DGKG: variants seen among roughly 807,000 people sequenced by gnomAD.
DGKG encodes the protein diacylglycerol kinase gamma.
In DGKG, 78 loss-of-function variants were observed where a neutral mutation model predicts 105.3. The observed-to-expected ratio is 0.74, with a 90% confidence interval of 0.62 to 0.89. The LOEUF is 0.89. Ranked by LOEUF, DGKG falls within the 40% of genes least tolerant of loss-of-function variation. The pLI, the probability that DGKG is intolerant of heterozygous loss-of-function variation, is 0.00. For synonymous variants in DGKG, 346 were observed against 367.1 expected, an observed-to-expected ratio of 0.94 and a Z score of 0.66; for missense variants, 958 against 1,020.1, an observed-to-expected ratio of 0.94 and a Z score of 0.83.
rs55826465 is a variant in DGKG at position 186,297,068 on chromosome 3, TCACA to T, written c.373+349_373+352del. 4.8e-3 allele frequency among the ~76,000 whole-genome samples: 620 copies of T among 130,504 alleles called. 4 individuals carry two copies. The highest frequency in any genetic ancestry group is 0.012 in the African/African-American group (424 of 34,686). The allele number at this position is 130,504 out of a possible 152,430, so 85.6% of individuals were successfully genotyped here. On this transcript the variant is annotated intron_variant, in intron 5 of 24. Coordinates refer to ENST00000265022, the MANE Select transcript of DGKG (RefSeq NM_001346.3). ...CTCTCTGTCTGTCTGTCTGTCTCTC[TCACA>T]CACACACACACACACACACACACAC...
chr3:186,262,840 A>T (rs2108575041), intron 14 of DGKG, among the ~76,000 whole-genome samples: 1 of 152,266 alleles, frequency 6.6e-6, no homozygotes, highest in East Asian at 1.9e-4. Context: ...CTACTAAAAA[A>T]ATTTTTGGCT....
At chr3:186,348,389 T>C (rs1726459599) in intron 1 of DGKG, among the ~76,000 whole-genome samples, 2 of 148,594 alleles carry the variant, frequency 1.3e-5, no homozygotes, top group African/African-American at 2.5e-5. Flanking sequence ...TTTTTTTCCT[T>C]GTCTGAGAAT....
At chr3:186,214,303 GAA>G (rs887900433) in intron 20 of DGKG, among the ~76,000 whole-genome samples, 1 of 152,128 alleles carries the variant, frequency 6.6e-6, no homozygotes, top group African/African-American at 2.4e-5. Flanking sequence ...ATAGAGATAA[GAA>G]AAATATCTGC....
intron 22 of DGKG, among the ~76,000 whole-genome samples, chr3:186,168,667 T>TC (rs1391336126): frequency 6.6e-6 from 1 of 152,008 alleles, no homozygotes; most frequent in Non-Finnish European, 1.5e-5. Context: ...GCCAACACGG[T>TC]GAAACCCCCT....
intron 2 of DGKG, among the ~76,000 whole-genome samples, chr3:186,309,882 T>G (rs550018015): frequency 3.3e-5 from 5 of 152,246 alleles, no homozygotes; most frequent in African/African-American, 1.2e-4. Flanking sequence ...ATTCATCATA[T>G]GTTCGCATAA....
intron 20 of DGKG, among the ~76,000 whole-genome samples, chr3:186,241,098 T>C (rs149796196): frequency 1.3e-5 from 2 of 152,230 alleles, no homozygotes; most frequent in African/African-American, 4.8e-5. Context: ...ATCCCACAGA[T>C]CGCTCTTTCT....
chr3:186,215,979 C>G (rs1212902090), intron 20 of DGKG, among the ~76,000 whole-genome samples: 1 of 151,244 alleles, frequency 6.6e-6, no homozygotes, highest in Non-Finnish European at 1.5e-5. Flanking sequence ...CAAGCAAGAC[C>G]CCTGCCCCAC....
At chr3:186,322,348 C>G (rs1018771814) in intron 1 of DGKG, among the ~76,000 whole-genome samples, 6 of 152,124 alleles carry the variant, frequency 3.9e-5, no homozygotes, top group Non-Finnish European at 7.4e-5. Context: ...TACAGCACAT[C>G]TTCACTTATA....
At chr3:186,223,396 T>C (rs1398742451) in intron 20 of DGKG, among the ~76,000 whole-genome samples, 1 of 152,052 alleles carries the variant, frequency 6.6e-6, no homozygotes, top group East Asian at 1.9e-4. Flanking sequence ...GATGGTCTGG[T>C]TATTTCTGCC....
intron 21 of DGKG, among the ~76,000 whole-genome samples, chr3:186,207,118 C>A (rs375761837): frequency 2.0e-5 from 3 of 152,218 alleles, no homozygotes; most frequent in South Asian, 2.1e-4. Context: ...ACAGCACTCA[C>A]GTTCACAGGC....
intron 1 of DGKG, among the ~76,000 whole-genome samples, chr3:186,336,674 G>C (rs893013517): frequency 1.3e-5 from 2 of 152,050 alleles, no homozygotes; most frequent in Non-Finnish European, 2.9e-5. Context: ...AAGTCCTTTT[G>C]GTTGTTAATA....
intron 7 of DGKG, among the ~76,000 whole-genome samples, chr3:186,281,415 T>C (rs1019896965): frequency 6.6e-6 from 1 of 152,206 alleles, no homozygotes; most frequent in Admixed American, 6.5e-5. Context: ...GAGTCAGTGT[T>C]CTGAGAGCCC....
intron 7 of DGKG, among the ~76,000 whole-genome samples, chr3:186,282,024 A>G (rs1722851088): frequency 6.6e-6 from 1 of 152,186 alleles, no homozygotes; most frequent in Non-Finnish European, 1.5e-5. Flanking sequence ...GTAGGAATAG[A>G]GAAATTTTAG....
chr3:186,321,567 A>G (rs1487694833), intron 1 of DGKG, among the ~76,000 whole-genome samples: 3 of 152,230 alleles, frequency 2.0e-5, no homozygotes, highest in Non-Finnish European at 4.4e-5. Context: ...ACCAACTGAA[A>G]CACAGGCTCT....
At position 186,280,578 on chromosome 3, in the gene DGKG, C is replaced by T. The variant is rs1477898626; in HGVS notation, c.669+92G>A. On this transcript the variant is annotated intron_variant, in intron 8 of 24. Transcript: ENST00000265022. ...TATAAGAAGATGAGTCTGGGAGCAC[C>T]TGCAGGGTTAACACTCATTCATGTC... The T allele has an allele frequency of 1.1e-5, 11 of 999,066 alleles. 1 individual carries two copies. Among genetic ancestry groups the T allele is most frequent in the South Asian group, 8.7e-5 (6 of 68,836 alleles). The allele number at this position is 999,066 out of a possible 1,614,324, so 61.9% of individuals were successfully genotyped here. A position where few individuals can be genotyped will look rare whatever the true frequency, so the allele number is the denominator to read the frequency against.
chr3:186,356,064 G>C (rs1379620075), intron 1 of DGKG, among the ~76,000 whole-genome samples: 1 of 152,230 alleles, frequency 6.6e-6, no homozygotes, highest in Non-Finnish European at 1.5e-5. Context: ...CCTTTGATAA[G>C]ATTCTTCTAA....
chr3:186,191,753 C>T (rs1578644326), intron 21 of DGKG, among the ~76,000 whole-genome samples: 1 of 152,238 alleles, frequency 6.6e-6, no homozygotes, highest in East Asian at 1.9e-4. Flanking sequence ...TGTATTCCTA[C>T]CTGGTTGCAT....
chr3:186,195,667 T>A (rs903835270), intron 21 of DGKG, among the ~76,000 whole-genome samples: 1 of 152,244 alleles, frequency 6.6e-6, no homozygotes, highest in Non-Finnish European at 1.5e-5. Flanking sequence ...TTCTTGGTGA[T>A]GCTGATGTTG....
At position 186,343,092 on chromosome 3, in the gene DGKG, G is replaced by A. The variant is rs544067961; in HGVS notation, c.-249+18854C>T. 2.6e-5 allele frequency among the ~76,000 whole-genome samples: 4 copies of A among 152,256 alleles called. No homozygotes were observed. In the South Asian group the frequency reaches 8.3e-4, roughly 32 times the overall value. On this transcript the variant is annotated intron_variant, in intron 1 of 24. Transcript: ENST00000265022. Reference sequence around the variant, plus strand: ...ACCCCACTATGGGCCAAAAAAAGTTGGAGGAATTCTGGGAACTGGGCCAGT... The same window carrying A: ...ACCCCACTATGGGCCAAAAAAAGTTAGAGGAATTCTGGGAACTGGGCCAGT...
Sources: allele counts gnomAD v4.1 joint callset (sites outside exome capture counted in the v4.1 genomes callset), GRCh38; gene constraint gnomAD v4.1.1; transcripts MANE v1.5; gene names NCBI Gene and HGNC (gene_info 2026-07-23, HGNC 2026-07-21).